Variants in GXYLT2 observed in about 807,000 individuals in gnomAD.
The protein encoded by GXYLT2 is glucoside xylosyltransferase 2.
Under a neutral mutation model 45.8 loss-of-function variants are expected in GXYLT2, and 53 were observed. The observed-to-expected ratio is 1.16, with a 90% CI of 0.93 to 1.46. The LOEUF (loss-of-function observed/expected upper bound fraction) is 1.46, where lower values mean the gene tolerates loss of function less well. Among genes scored for constraint, GXYLT2 ranks in the 40% most tolerant of loss-of-function variants. The probability of loss-of-function intolerance (pLI) is 0.00; values close to 1 mark genes in which losing one functional copy is unlikely to be tolerated. For synonymous variants in GXYLT2, 219 were observed against 214.2 expected, an observed-to-expected ratio of 1.02 and a Z score of -0.19; for missense variants, 551 against 544.4, an observed-to-expected ratio of 1.01 and a Z score of -0.12.
chr3:72,971,810 G>A (rs578051942), intron 6 of GXYLT2, among the ~76,000 whole-genome samples: 12 of 150,940 alleles, frequency 8.0e-5, no homozygotes, highest in Non-Finnish European at 1.3e-4. Context: ...TTAGCCGGGC[G>A]TGGTGGCGCA....
Position 72,922,271 on chromosome 3 carries a change from T to C in GXYLT2, c.536T>C (p.Val179Ala), listed in dbSNP as rs1419720271. ...AGAATCTACCCCATCACATTTTCTGTTGGAAACCCTCAGGAGTGGAAGAAA... is the reference window on the plus strand; with the variant it reads ...AGAATCTACCCCATCACATTTTCTGCTGGAAACCCTCAGGAGTGGAAGAAA... ...EHRIYPITFS[V>A]GNPQEWKKLF... Residue 179 changes from valine to alanine, a missense_variant, in exon 3 of 7, where the codon GTT becomes GCT. Physicochemically the swap from Val to Ala is moderately conservative, Grantham distance 64. Transcript: ENST00000389617. The C allele has an allele frequency of 6.8e-6, 11 of 1,613,720 alleles. No homozygotes were observed. Among genetic ancestry groups the C allele is most frequent in the East Asian group, 2.2e-5 (1 of 44,884 alleles).
intron 2 of GXYLT2, among the ~76,000 whole-genome samples, chr3:72,914,547 G>A (rs1302390445): frequency 1.4e-5 from 2 of 147,052 alleles, no homozygotes; most frequent in African/African-American, 5.3e-5. Flanking sequence ...GTGTGTGTGT[G>A]CGCGCGCGCG....
At chr3:72,944,318 A>AGTGTG (rs1471904936) in intron 3 of GXYLT2, among the ~76,000 whole-genome samples, 4 of 149,120 alleles carry the variant, frequency 2.7e-5, no homozygotes, top group Non-Finnish European at 5.9e-5. Context: ...GCAGTGACAC[A>AGTGTG]ATCTCAGTTT....
Position 72,949,502 on chromosome 3 carries a change from C to CTTTTTTTT in GXYLT2, c.601-5575_601-5568dup, listed in dbSNP as rs56323434. ...TATGTATCATTCTTTCTTTCTTTTT[C>CTTTTTTTT]TTTTTTTTTTTTTTTTTTTTTTTTT... On this transcript the variant is annotated intron_variant, in intron 3 of 6. Transcript: ENST00000389617. Among the ~76,000 whole-genome samples, 248 of 72,632 alleles carry CTTTTTTTT rather than the reference C, an allele frequency of 3.4e-3. 1 individual carries two copies. The highest frequency in any genetic ancestry group is 4.0e-3 in the Non-Finnish European group (175 of 43,858). The allele number at this position is 72,632 out of a possible 152,430, so 47.6% of individuals were successfully genotyped here. A position where few individuals can be genotyped will look rare whatever the true frequency, so the allele number is the denominator to read the frequency against.
chr3:72,897,113 A>G (rs997659696), intron 1 of GXYLT2, among the ~76,000 whole-genome samples: 17 of 152,188 alleles, frequency 1.1e-4, no homozygotes, highest in African/African-American at 3.1e-4. Context: ...CTTAATCTTC[A>G]TAATAACCTA....
Position 72,888,308 on chromosome 3 carries a change from GCGCGCTGGC to G in GXYLT2, c.83_91del (p.Gly28_Ala30del). 1.0e-6 allele frequency: 1 copy of G among 989,114 alleles called. No individual in the cohort carries two copies. Among genetic ancestry groups the G allele is most frequent in the Non-Finnish European group, 1.2e-6 (1 of 834,710 alleles). The allele number at this position is 989,114 out of a possible 1,614,324, so 61.3% of individuals were successfully genotyped here. A position where few individuals can be genotyped will look rare whatever the true frequency, so the allele number is the denominator to read the frequency against. On this transcript the variant is annotated inframe_deletion, in exon 1 of 7. Coordinates refer to ENST00000389617, the MANE Select transcript of GXYLT2 (RefSeq NM_001080393.2). The stretch of plus-strand genomic sequence containing the variant: ...CGCTGCTGCTGGCGCTGCTGTCCCT[GCGCGCTGGC>G]CGCGCTGAGCCCCCAGCGCTGCCCG...
intron 3 of GXYLT2, among the ~76,000 whole-genome samples, chr3:72,923,615 C>T (rs1158006996): frequency 6.6e-6 from 1 of 152,142 alleles, no homozygotes; most frequent in Non-Finnish European, 1.5e-5. Context: ...GGCCCTGGCT[C>T]AGTGATGATG....
chr3:72,967,163 T>C (rs1445248384), intron 5 of GXYLT2, among the ~76,000 whole-genome samples: 1 of 152,212 alleles, frequency 6.6e-6, no homozygotes, highest in Admixed American at 6.5e-5. Context: ...CAAAATAAGA[T>C]AGAGGTTGTA....
chr3:72,949,723 C>T (rs963487351), intron 3 of GXYLT2, among the ~76,000 whole-genome samples: 2 of 151,700 alleles, frequency 1.3e-5, no homozygotes, highest in African/African-American at 4.8e-5. Context: ...CCACGTTGGC[C>T]AGGATGGTCT....
intron 3 of GXYLT2, among the ~76,000 whole-genome samples, chr3:72,930,221 G>C (rs953665972): frequency 1.3e-5 from 2 of 151,384 alleles, no homozygotes; most frequent in African/African-American, 4.9e-5. Flanking sequence ...GAATACAGTC[G>C]AACTGTGTGC....
At chr3:72,948,762 G>A (rs1052964402) in intron 3 of GXYLT2, among the ~76,000 whole-genome samples, 9 of 151,616 alleles carry the variant, frequency 5.9e-5, no homozygotes, top group African/African-American at 2.2e-4. Context: ...GCTTGAACCT[G>A]GGAGGTGGAG....
intron 2 of GXYLT2, among the ~76,000 whole-genome samples, chr3:72,921,128 T>TA (rs1679161003): frequency 6.6e-6 from 1 of 151,826 alleles, no homozygotes; most frequent in African/African-American, 2.4e-5. Context: ...GCCTCATGCA[T>TA]ATATTTTTTC....
chr3:72,966,712 C>T (rs1293388029), intron 5 of GXYLT2, among the ~76,000 whole-genome samples: 2 of 151,762 alleles, frequency 1.3e-5, no homozygotes, highest in African/African-American at 4.8e-5. Context: ...TCACTGCAAC[C>T]TCTGCCACCT....
intron 3 of GXYLT2, among the ~76,000 whole-genome samples, chr3:72,941,912 A>G (rs1241469696): frequency 6.6e-6 from 1 of 152,148 alleles, no homozygotes; most frequent in East Asian, 1.9e-4. Context: ...CTGAGTAGCA[A>G]TGAACACACC....
chr3:72,967,274 G>A (rs970504272), intron 5 of GXYLT2, among the ~76,000 whole-genome samples: 1 of 152,190 alleles, frequency 6.6e-6, no homozygotes, highest in South Asian at 2.1e-4. Context: ...TTGGACCCAG[G>A]CTGCCTCGTG....
intron 5 of GXYLT2, among the ~76,000 whole-genome samples, chr3:72,961,675 AGAG>A (rs1387164173): frequency 1.0e-4 from 4 of 39,340 alleles, no homozygotes; most frequent in African/African-American, 1.8e-4. Flanking sequence ...AAAAAAAAAA[AGAG>A]AGAGAGAGAG....
intron 3 of GXYLT2, among the ~76,000 whole-genome samples, chr3:72,944,733 C>G (rs1197126997): frequency 6.6e-6 from 1 of 152,114 alleles, no homozygotes; most frequent in Non-Finnish European, 1.5e-5. Context: ...CTGAAATTCA[C>G]TTCTGCTTGA....
chr3:72,935,274 CAAT>C (rs1439874260), intron 3 of GXYLT2, among the ~76,000 whole-genome samples: 2 of 151,792 alleles, frequency 1.3e-5, no homozygotes, highest in Non-Finnish European at 2.9e-5. Flanking sequence ...GAATAGAACT[CAAT>C]AGAAGAACTG....
rs746560343 is a variant in GXYLT2, at chr3:72,957,280, T to C, written c.904T>C (p.Tyr302His). 6.2e-7 allele frequency: 1 copy of C among 1,613,476 alleles called. No individual in the cohort carries two copies. Among genetic ancestry groups the C allele is most frequent in the Non-Finnish European group, 8.5e-7 (1 of 1,179,554 alleles). The stretch of plus-strand genomic sequence containing the variant: ...TTGGGAGGACATGTTGTACCCTCTG[T>C]ACCAGAAGTACAAGAATGCCATCAC... ...LAWEDMLYPL[Y>H]QKYKNAITWG... Residue 302 changes from tyrosine (Y) to histidine (H), a missense_variant, in exon 5 of 7, where the codon TAC becomes CAC. Tyr to His is a moderately conservative substitution (Grantham distance 83). Coordinates refer to ENST00000389617, the MANE Select transcript of GXYLT2 (RefSeq NM_001080393.2).
Sources: allele counts gnomAD v4.1 joint callset (sites outside exome capture counted in the v4.1 genomes callset), GRCh38; gene constraint gnomAD v4.1.1; transcripts MANE v1.5; gene names NCBI Gene and HGNC (gene_info 2026-07-23, HGNC 2026-07-21).